Variants in ELP4 observed in about 807,000 individuals in gnomAD.
ELP4 encodes the protein elongator acetyltransferase complex subunit 4.
Under a neutral mutation model 48.9 loss-of-function variants are expected in ELP4, and 51 were observed. The ratio of observed to expected loss-of-function variants is 1.04; its 90% CI spans 0.83 to 1.32. The LOEUF is 1.32. ELP4 is among the 40% of genes most tolerant of loss of function. ELP4 has a pLI of 0.00. For missense variants in ELP4, 519 were observed against 514.6 expected, an observed-to-expected ratio of 1.01 and a Z score of -0.08; for synonymous variants, 210 against 189.2, an observed-to-expected ratio of 1.11 and a Z score of -0.90.
intron 1 of ELP4, among the ~76,000 whole-genome samples, chr11:31,515,147 T>C (rs925234851): frequency 6.6e-6 from 1 of 151,820 alleles, no homozygotes; most frequent in African/African-American, 2.4e-5. Context: ...AGTTAATGAG[T>C]TACATCTTAT....
chr11:31,693,679 T>G (rs919627755), intron 9 of ELP4, among the ~76,000 whole-genome samples: 1 of 152,186 alleles, frequency 6.6e-6, no homozygotes, highest in East Asian at 1.9e-4. Flanking sequence ...ATATACCCAG[T>G]AATGGGATGG....
intron 9 of ELP4, among the ~76,000 whole-genome samples, chr11:31,770,580 A>G (rs11031475): frequency 0.015 from 2,271 of 147,582 alleles, 46 homozygotes; most frequent in African/African-American, 0.055. Flanking sequence ...AAAAAAAAAA[A>G]TAGAAACTAA....
intron 9 of ELP4, among the ~76,000 whole-genome samples, chr11:31,738,591 C>A (rs1441181395): frequency 6.6e-6 from 1 of 151,876 alleles, no homozygotes; most frequent in African/African-American, 2.4e-5. Flanking sequence ...CAAAAGTTTG[C>A]CGAGCATGGT....
chr11:31,754,363 T>C (rs1947789553), intron 9 of ELP4, among the ~76,000 whole-genome samples: 1 of 152,124 alleles, frequency 6.6e-6, no homozygotes, highest in Admixed American at 6.5e-5. Flanking sequence ...CCCTAGCACT[T>C]TCCCCCTAGC....
rs1331749366 is a variant in ELP4 at position 31,693,586 on chromosome 11, A to G, written c.1143+43365A>G. ...TTGATGGACATTTGGGTTGGTTCCAAGTCTTTCCTATTGTGAATAGTGGTG... is the reference window on the plus strand; with the variant it reads ...TTGATGGACATTTGGGTTGGTTCCAGGTCTTTCCTATTGTGAATAGTGGTG... On this transcript the variant is annotated intron_variant, in intron 9 of 9. Coordinates refer to ENST00000640961, the MANE Select transcript of ELP4 (RefSeq NM_019040.5). Among the ~76,000 whole-genome samples, 3 of 152,092 alleles carry G rather than the reference A, an allele frequency of 2.0e-5. No individual in the cohort carries two copies. In the East Asian group the frequency reaches 5.8e-4, roughly 29 times the overall value.
At chr11:31,515,053 A>ATATATATATATATATATG (rs139261349) in intron 1 of ELP4, among the ~76,000 whole-genome samples, 5 of 149,200 alleles carry the variant, frequency 3.4e-5, no homozygotes, top group African/African-American at 9.8e-5. Flanking sequence ...ATATATATAT[A>ATATATATATATATATATG]TATGTATAGG....
At chr11:31,691,365 A>T (rs1946277092) in intron 9 of ELP4, among the ~76,000 whole-genome samples, 1 of 152,100 alleles carries the variant, frequency 6.6e-6, no homozygotes, top group East Asian at 1.9e-4. Flanking sequence ...GCTCACTTAG[A>T]TATAATATAT....
chr11:31,593,446 G>T (rs75943694), intron 3 of ELP4, among the ~76,000 whole-genome samples: 4,025 of 152,060 alleles, frequency 0.026, 167 homozygotes, highest in African/African-American at 0.092. Flanking sequence ...GTTTTGTCAT[G>T]TTGCCCAAAC....
chr11:31,575,157 AG>A (rs1297143342), intron 3 of ELP4, among the ~76,000 whole-genome samples: 1 of 152,238 alleles, frequency 6.6e-6, no homozygotes, highest in Non-Finnish European at 1.5e-5. Context: ...AAGCTTCAGT[AG>A]CCAATTTGAT....
At chr11:31,608,391 A>G (rs1210178521) in intron 5 of ELP4, among the ~76,000 whole-genome samples, 1 of 152,058 alleles carries the variant, frequency 6.6e-6, no homozygotes, top group African/African-American at 2.4e-5. Flanking sequence ...GTGTTGGTCT[A>G]AGAAGACGGC....
At position 31,745,513 on chromosome 11, in the gene ELP4, A is replaced by C. The variant is rs1057038935; in HGVS notation, c.1144-37880A>C. ...CTATACCACAAGGCTACAGTAACCA[A>C]AACAGCATGGTACTGGTACCAAAAC... On this transcript the variant is annotated intron_variant, in intron 9 of 9. Coordinates refer to ENST00000640961, the MANE Select transcript of ELP4 (RefSeq NM_019040.5). 7.9e-5 allele frequency among the ~76,000 whole-genome samples: 12 copies of C among 152,320 alleles called. No homozygotes were observed. The East Asian group carries it at 2.3e-3, about 29-fold the overall frequency.
intron 9 of ELP4, among the ~76,000 whole-genome samples, chr11:31,747,971 A>C (rs1273524765): frequency 1.3e-5 from 2 of 152,204 alleles, no homozygotes; most frequent in Non-Finnish European, 2.9e-5. Context: ...AAGCATATTA[A>C]AGCTTAAAAA....
intron 9 of ELP4, among the ~76,000 whole-genome samples, chr11:31,761,327 G>A (rs1330084299): frequency 2.0e-5 from 3 of 150,334 alleles, no homozygotes; most frequent in African/African-American, 7.4e-5. Context: ...AACAGAGCAA[G>A]GCCCTGTCTC....
At chr11:31,706,337 C>T (rs1446852249) in intron 9 of ELP4, among the ~76,000 whole-genome samples, 1 of 151,394 alleles carries the variant, frequency 6.6e-6, no homozygotes, top group Admixed American at 6.6e-5. Context: ...GTATAGAGTA[C>T]TAGAACTTAA....
chr11:31,647,743 T>C lies in ELP4; in HGVS notation c.930T>C (p.Asn310=), dbSNP rs202114087. The C allele has an allele frequency of 1.3e-6, 2 of 1,596,532 alleles. No homozygotes were observed. The highest frequency in any genetic ancestry group is 1.1e-5 in the South Asian group (1 of 90,670). The change falls in exon 8 of 10, where the codon AAT becomes AAC. Residue 310 remains asparagine (N), a splice_region_variant and synonymous_variant. Coordinates refer to ENST00000640961, the MANE Select transcript of ELP4 (RefSeq NM_019040.5). ...IITMPTHLIQ[N]KAIIARVTTL... The stretch of plus-strand genomic sequence containing the variant: ...TGTTTTGTTTCCATGTTTTGCAGAA[T>C]AAAGCCATTATTGCCCGTGTCACAA...
intron 9 of ELP4, among the ~76,000 whole-genome samples, chr11:31,736,025 C>A (rs1947308450): frequency 6.6e-6 from 1 of 152,142 alleles, no homozygotes; most frequent in Admixed American, 6.5e-5. Flanking sequence ...CAAGTCAATC[C>A]TAAGCCAAAA....
At chr11:31,665,182 C>T (rs1056692358) in intron 9 of ELP4, among the ~76,000 whole-genome samples, 3 of 152,108 alleles carry the variant, frequency 2.0e-5, no homozygotes, top group Non-Finnish European at 4.4e-5. Flanking sequence ...CACCCTATGA[C>T]TGAAATTATA....
At chr11:31,644,890 AT>A in intron 7 of ELP4, among the ~76,000 whole-genome samples, 1 of 151,934 alleles carries the variant, frequency 6.6e-6, no homozygotes. Flanking sequence ...TATAGTAAAA[AT>A]AAACATTTTC....
At chr11:31,718,684 A>G (rs1946891591) in intron 9 of ELP4, among the ~76,000 whole-genome samples, 1 of 152,192 alleles carries the variant, frequency 6.6e-6, no homozygotes. Flanking sequence ...TGTGACCTGG[A>G]CTTCCTCACA....
Sources: gnomAD v4.1 joint callset for allele counts (sites outside exome capture counted in the v4.1 genomes callset) on GRCh38, gnomAD v4.1.1 for gene constraint, MANE v1.5 for transcripts, NCBI Gene and HGNC (gene_info 2026-07-23, HGNC 2026-07-21) for gene names.